POC1A: variants seen among roughly 807,000 people sequenced by gnomAD.
The protein encoded by POC1A is POC1 centriolar protein A.
A neutral mutation model predicts 47.8 loss-of-function variants in POC1A; 34 were observed. The observed-to-expected ratio is 0.71, with a 90% CI of 0.54 to 0.95. POC1A has a LOEUF of 0.95. POC1A is among the 40% of genes least tolerant of loss of function. The pLI, the probability that POC1A is intolerant of heterozygous loss-of-function variation, is 0.00. For missense variants in POC1A, 466 were observed against 528.3 expected, an observed-to-expected ratio of 0.88 and a Z score of 1.16; for synonymous variants, 177 against 207.6, an observed-to-expected ratio of 0.85 and a Z score of 1.27.
At chr3:52,104,720 T>A (rs923722315) in intron 9 of POC1A, among the ~76,000 whole-genome samples, 1 of 152,106 alleles carries the variant, frequency 6.6e-6, no homozygotes, top group African/African-American at 2.4e-5. Context: ...AAAGCCAGAG[T>A]CATAACTCAA....
intron 8 of POC1A, among the ~76,000 whole-genome samples, chr3:52,123,968 C>T (rs1703898258): frequency 6.6e-6 from 1 of 152,212 alleles, no homozygotes; most frequent in Non-Finnish European, 1.5e-5. Context: ...TAGAGCAGGA[C>T]TGGTGCTGGT....
intron 10 of POC1A, among the ~76,000 whole-genome samples, chr3:52,096,317 C>T (rs1243383852): frequency 6.6e-6 from 1 of 152,238 alleles, no homozygotes; most frequent in Non-Finnish European, 1.5e-5. Context: ...CCCAGGCCAG[C>T]TCTAGGTGAG....
At chr3:52,095,309 T>C (rs1702774377) in intron 10 of POC1A, among the ~76,000 whole-genome samples, 2 of 152,202 alleles carry the variant, frequency 1.3e-5, no homozygotes, top group African/African-American at 2.4e-5. Context: ...ACACCTGGCC[T>C]TTCCCTTCAA....
At position 52,145,975 on chromosome 3, in the gene POC1A, G is replaced by A. The variant is rs1057455186; in HGVS notation, c.564-14C>T. Reference sequence around the variant, plus strand: ...TAGGTGACAAAGCTGGAAAGACAGGGGCCACTATGCACTATAGGAGGTCTG... The same window carrying A: ...TAGGTGACAAAGCTGGAAAGACAGGAGCCACTATGCACTATAGGAGGTCTG... On this transcript the variant is annotated splice_polypyrimidine_tract_variant and intron_variant, in intron 5 of 10. Coordinates refer to ENST00000296484, the MANE Select transcript of POC1A (RefSeq NM_015426.5). 1.1e-5 allele frequency: 16 copies of A among 1,515,798 alleles called. No individual in the cohort carries two copies. The highest frequency in any genetic ancestry group is 1.5e-5 in the Non-Finnish European group (16 of 1,090,930). 93.9% of individuals were successfully genotyped at this position (1,515,798 alleles called of 1,614,324 possible). A position where few individuals can be genotyped will look rare whatever the true frequency, so the allele number is the denominator to read the frequency against.
chr3:52,145,934 G>A lies in POC1A; in HGVS notation c.591C>T (p.Pro197=). 1 of 1,613,390 alleles carries A rather than the reference G, an allele frequency of 6.2e-7. No individual in the cohort carries two copies. The highest frequency in any genetic ancestry group is 1.7e-4 in the Middle Eastern group (1 of 6,060). The change falls in exon 6 of 11, where the codon CCC becomes CCT. Residue 197 remains proline (P), a synonymous_variant. Transcript: ENST00000296484. ...CGGCAGCGGCAATGCACGTCCCACT[G>A]GGGTGGAAGTCCACATAGGTGACAA... is the stretch of plus-strand genomic sequence containing the variant. The part of the protein sequence containing the change: ...GGFVTYVDFH[P]SGTCIAAAGM...
chr3:52,102,224 A>G (rs1703029198), intron 9 of POC1A, among the ~76,000 whole-genome samples: 1 of 152,230 alleles, frequency 6.6e-6, no homozygotes, highest in African/African-American at 2.4e-5. Flanking sequence ...CCAAAACAAC[A>G]TGAAGTATAT....
Position 52,145,849 on chromosome 3 carries a change from G to C in POC1A, c.676C>G (p.Gln226Glu), listed in dbSNP as rs1373514215. ...VRTHRLLQHY[Q>E]LHSAAVNGLS... ...CAGGAGGCTGTTCACCACTCACACT[G>C]ATAATGCTGCAGCAGCCGGTGAGTC... is the stretch of plus-strand genomic sequence containing the variant. Residue 226 changes from glutamine (Q) to glutamate (E), a missense_variant, in exon 6 of 11, where the codon CAG (glutamine) becomes GAG (glutamate). Transcript: ENST00000296484. 2 of 1,608,894 alleles carry C rather than the reference G, an allele frequency of 1.2e-6. No homozygotes were observed. Among genetic ancestry groups the C allele is most frequent in the Non-Finnish European group, 8.5e-7 (1 of 1,175,610 alleles).
At chr3:52,120,613 C>G (rs531117281) in intron 9 of POC1A, among the ~76,000 whole-genome samples, 2 of 152,338 alleles carry the variant, frequency 1.3e-5, no homozygotes, top group African/African-American at 4.8e-5. Context: ...AGGGTTCAAA[C>G]CCAGTTCTCT....
At chr3:52,088,776 G>A (rs528147756) in intron 10 of POC1A, among the ~76,000 whole-genome samples, 1 of 151,922 alleles carries the variant, frequency 6.6e-6, no homozygotes, top group Middle Eastern at 3.4e-3. Flanking sequence ...AGCAAGCCTA[G>A]ATTCAGCCCG....
chr3:52,129,796 T>C (rs988284970), intron 7 of POC1A, among the ~76,000 whole-genome samples: 11 of 152,230 alleles, frequency 7.2e-5, no homozygotes, highest in African/African-American at 2.7e-4. Context: ...CCGGGCCATA[T>C]CTGGCCCTGG....
chr3:52,144,885 T>G (rs1273450998), intron 6 of POC1A, among the ~76,000 whole-genome samples: 1 of 152,060 alleles, frequency 6.6e-6, no homozygotes, highest in African/African-American at 2.4e-5. Flanking sequence ...CAGGGGTGGG[T>G]GGGGTCGGAA....
rs1272654776 is a variant in POC1A at position 52,110,308 on chromosome 3, C to A, written c.981+12071G>T. Among the ~76,000 whole-genome samples the A allele has an allele frequency of 3.9e-5, 6 of 152,194 alleles. No individual in the cohort carries two copies. In the East Asian group the frequency reaches 1.2e-3, roughly 29 times the overall value. On this transcript the variant is annotated intron_variant, in intron 9 of 10. Transcript: ENST00000296484. ...CCAGGCAGGTGGAGCAGGAAGAACT[C>A]ACCAGCTGCCAGCCTCCCAAGGAAG...
chr3:52,115,859 A>G (rs1703545820), intron 9 of POC1A, among the ~76,000 whole-genome samples: 1 of 152,160 alleles, frequency 6.6e-6, no homozygotes, highest in Non-Finnish European at 1.5e-5. Flanking sequence ...TTGTTATAGC[A>G]TCCTGAGCAG....
chr3:52,116,219 C>G (rs1703559791), intron 9 of POC1A, among the ~76,000 whole-genome samples: 1 of 152,138 alleles, frequency 6.6e-6, no homozygotes. Context: ...GAATCAGGGT[C>G]CCACAAATCC....
At chr3:52,106,656 T>C (rs1000109071) in intron 9 of POC1A, among the ~76,000 whole-genome samples, 2 of 152,146 alleles carry the variant, frequency 1.3e-5, no homozygotes, top group Non-Finnish European at 2.9e-5. Context: ...CCCCGTCCCC[T>C]CTCAGAAAGT....
chr3:52,122,914 T>G (rs1335233735), intron 8 of POC1A, among the ~76,000 whole-genome samples: 1 of 152,252 alleles, frequency 6.6e-6, no homozygotes, highest in Non-Finnish European at 1.5e-5. Context: ...CCCTTTTCAT[T>G]GTTTATCATC....
In POC1A at chr3:52,096,537, G is replaced by A. The variant is rs777466711; in HGVS notation, c.1125+32C>T. The A allele has an allele frequency of 3.7e-5, 56 of 1,504,920 alleles. No homozygotes were observed. The Middle Eastern group carries it at 5.7e-4, about 15-fold the overall frequency. The allele number at this position is 1,504,920 out of a possible 1,614,324, so 93.2% of individuals were successfully genotyped here. The stretch of plus-strand genomic sequence containing the variant: ...AAATGCGGGACCAAGTGCAGATGAC[G>A]GGATGACGGGTGAACCCACAGTGTG... On this transcript the variant is annotated intron_variant, in intron 10 of 10. Coordinates refer to ENST00000296484, the MANE Select transcript of POC1A (RefSeq NM_015426.5).
intron 4 of POC1A, among the ~76,000 whole-genome samples, chr3:52,148,280 C>A (rs1203091623): frequency 6.6e-6 from 1 of 152,252 alleles, no homozygotes; most frequent in Non-Finnish European, 1.5e-5. Context: ...CCCTCCTGAT[C>A]TCAGGACCCT....
chr3:52,102,016 T>C (rs1703022216), intron 9 of POC1A, among the ~76,000 whole-genome samples: 2 of 152,208 alleles, frequency 1.3e-5, no homozygotes, highest in African/African-American at 4.8e-5. Context: ...CACATATATA[T>C]GTCTTTTTTT....
Sources: gnomAD v4.1 joint callset for allele counts (sites outside exome capture counted in the v4.1 genomes callset) on GRCh38, gnomAD v4.1.1 for gene constraint, MANE v1.5 for transcripts, NCBI Gene and HGNC (gene_info 2026-07-23, HGNC 2026-07-21) for gene names.